The following SHOC1 variants were observed in gnomAD, a reference collection of about 807,000 sequenced individuals.
SHOC1 encodes the protein shortage in chiasmata 1, also known as protein shortage in chiasmata 1 ortholog.
SHOC1 carries 136 observed loss-of-function variants against 179.2 expected under a neutral mutation model. The ratio of observed to expected loss-of-function variants is 0.76; its 90% CI spans 0.66 to 0.87. The LOEUF (loss-of-function observed/expected upper bound fraction) is 0.87. Ranked by LOEUF, SHOC1 falls within the 40% of genes least tolerant of loss-of-function variation. The pLI is 0.00. For synonymous variants in SHOC1, 489 were observed against 586.6 expected, an observed-to-expected ratio of 0.83 and a Z score of 2.41; for missense variants, 1,538 against 1,700.8, an observed-to-expected ratio of 0.90 and a Z score of 1.68.
At chr9:111,704,803 C>T (rs1038983093) in intron 21 of SHOC1, among the ~76,000 whole-genome samples, 12 of 152,072 alleles carry the variant, frequency 7.9e-5, no homozygotes, top group Non-Finnish European at 7.4e-5. Flanking sequence ...TAGAACTTCA[C>T]GGTCCTGTTT....
intron 5 of SHOC1, among the ~76,000 whole-genome samples, chr9:111,772,098 T>G (rs1352964772): frequency 6.6e-6 from 1 of 152,150 alleles, no homozygotes; most frequent in Non-Finnish European, 1.5e-5. Flanking sequence ...TTTCTTTCTT[T>G]TTTCTTTTTT....
rs753356376 is a variant in SHOC1, at chr9:111,718,272, T to A, written c.2148A>T (p.Arg716Ser). The part of the protein sequence containing the change: ...DAVRQGTIDE[R>S]EMTFKHAALL... ...GAGCGGCATGCTTGAAAGTCATTTC[T>A]CTTTCATCAATTGTACCTAAGTAAG... is the stretch of plus-strand genomic sequence containing the variant. The change falls in exon 16 of 28, where the codon AGA becomes AGT. Residue 716 changes from arginine (R) to serine (S), a missense_variant. By Grantham distance (110) the Arg-to-Ser change is moderately radical (BLOSUM62 -1). Transcript: ENST00000682961. The A allele has an allele frequency of 1.3e-6, 2 of 1,594,506 alleles. No individual in the cohort carries two copies. The highest frequency in any genetic ancestry group is 3.7e-5 in the Admixed American group (2 of 54,626).
At chr9:111,760,284 A>G (rs769019449) in intron 5 of SHOC1, among the ~76,000 whole-genome samples, 1 of 152,184 alleles carries the variant, frequency 6.6e-6, no homozygotes, top group Non-Finnish European at 1.5e-5. Flanking sequence ...TATTCTTTGT[A>G]ATTCTACCAA....
At chr9:111,778,143 C>T (rs1835899663) in intron 4 of SHOC1, among the ~76,000 whole-genome samples, 1 of 152,178 alleles carries the variant, frequency 6.6e-6, no homozygotes, top group Admixed American at 6.5e-5. Flanking sequence ...CCTGGCTCTC[C>T]TCATCCACCT....
chr9:111,784,717 C>T (rs1391986747), intron 3 of SHOC1, among the ~76,000 whole-genome samples: 1 of 152,148 alleles, frequency 6.6e-6, no homozygotes, highest in Non-Finnish European at 1.5e-5. Context: ...TTTCTCATAG[C>T]TTTGGAGGCT....
rs1836244686 is a variant in SHOC1 at position 111,785,934 on chromosome 9, T to C, written c.147A>G (p.Lys49=). 2 of 1,494,972 alleles carry C rather than the reference T, an allele frequency of 1.3e-6. No homozygotes were observed. The highest frequency in any genetic ancestry group is 8.9e-7 in the Non-Finnish European group (1 of 1,125,426). 92.6% of individuals were successfully genotyped at this position (1,494,972 alleles called of 1,614,324 possible). A position where few individuals can be genotyped will look rare whatever the true frequency, so the allele number is the denominator to read the frequency against. The change falls in exon 3 of 28, where the codon AAA becomes AAG. Residue 49 remains lysine (K), a synonymous_variant. Coordinates refer to ENST00000682961, the MANE Select transcript of SHOC1 (RefSeq NM_001378211.1). ...TACCTCTCGTCCATGGCCTCCTAAA[T>C]TTATTATCAGTAACTGCTACATGGT... ...ESYHVAVTDN[K]FRRPWTRVSA... is the part of the protein sequence containing the mutation.
chr9:111,776,056 G>A, intron 4 of SHOC1, 81 bp from the exon 5 acceptor site: 26 of 1,030,346 alleles, frequency 2.5e-5, no homozygotes, highest in Middle Eastern at 2.2e-4. Context: ...TGTCCACTGT[G>A]GAAAAAATTA....
intron 2 of SHOC1, among the ~76,000 whole-genome samples, chr9:111,786,237 C>T (rs1836253927): frequency 6.6e-6 from 1 of 152,096 alleles, no homozygotes; most frequent in Non-Finnish European, 1.5e-5. Flanking sequence ...AGATTGAGAC[C>T]ATCTGGCTAA....
intron 8 of SHOC1, among the ~76,000 whole-genome samples, chr9:111,752,375 G>A (rs991983291): frequency 1.3e-5 from 2 of 152,176 alleles, no homozygotes; most frequent in Non-Finnish European, 2.9e-5. Context: ...GCTATATAAA[G>A]ATTTCAGCTC....
At chr9:111,693,306 A>C (rs1192830794) in intron 26 of SHOC1, among the ~76,000 whole-genome samples, 1 of 147,610 alleles carries the variant, frequency 6.8e-6, no homozygotes, top group Non-Finnish European at 1.5e-5. Context: ...ACTCCATCTC[A>C]AAAAAAAAGA....
At chr9:111,750,341 T>C (rs1376600379) in intron 8 of SHOC1, among the ~76,000 whole-genome samples, 2 of 152,158 alleles carry the variant, frequency 1.3e-5, no homozygotes, top group African/African-American at 4.8e-5. Context: ...CTTCTTTTTC[T>C]TCTTTTTGAG....
At chr9:111,709,450 A>G (rs1832430639) in intron 18 of SHOC1, among the ~76,000 whole-genome samples, 1 of 152,232 alleles carries the variant, frequency 6.6e-6, no homozygotes, top group African/African-American at 2.4e-5. Context: ...GATCTTACAA[A>G]CGCATAGAAA....
intron 22 of SHOC1, among the ~76,000 whole-genome samples, chr9:111,702,947 A>G (rs1317920337): frequency 1.3e-5 from 2 of 152,056 alleles, no homozygotes; most frequent in African/African-American, 4.8e-5. Context: ...CTGTCCCTAC[A>G]AAAAATTAAA....
chr9:111,789,513 A>G (rs1320743859), intron 2 of SHOC1, among the ~76,000 whole-genome samples: 2 of 152,136 alleles, frequency 1.3e-5, no homozygotes, highest in Non-Finnish European at 2.9e-5. Context: ...AGATTTTAAA[A>G]TTTCAAGGCA....
At position 111,722,403 on chromosome 9, in the gene SHOC1, A is replaced by G. The variant is rs971993981; in HGVS notation, c.2131+6T>C. 6.3e-7 allele frequency: 1 copy of G among 1,580,050 alleles called. No homozygotes were observed. The highest frequency in any genetic ancestry group is 8.5e-7 in the Non-Finnish European group (1 of 1,170,714). On this transcript the variant is annotated splice_donor_region_variant and intron_variant, in intron 15 of 27. Coordinates refer to ENST00000682961, the MANE Select transcript of SHOC1 (RefSeq NM_001378211.1). Reference sequence around the variant, plus strand: ...TTTAAATAACGTGACTTTTATTTGTACTCACCTTGGCGAACAGCATCACTT... The same window carrying G: ...TTTAAATAACGTGACTTTTATTTGTGCTCACCTTGGCGAACAGCATCACTT...
chr9:111,781,387 T>C (rs183181268), intron 3 of SHOC1, among the ~76,000 whole-genome samples: 4 of 152,288 alleles, frequency 2.6e-5, no homozygotes, highest in Admixed American at 6.5e-5. Context: ...GGCCATAATA[T>C]TGTCAGTAGC....
chr9:111,791,028 T>C (rs558200937), intron 2 of SHOC1, among the ~76,000 whole-genome samples: 1 of 152,250 alleles, frequency 6.6e-6, no homozygotes, highest in East Asian at 1.9e-4. Flanking sequence ...TGCCAATGGG[T>C]GGTGAAGATA....
Position 111,738,447 on chromosome 9 carries a change from C to T in SHOC1, c.1250G>A (p.Ser417Asn), listed in dbSNP as rs1190953309. The T allele has an allele frequency of 6.2e-7, 1 of 1,609,200 alleles. No homozygotes were observed. The highest frequency in any genetic ancestry group is 2.2e-5 in the East Asian group (1 of 44,578). The stretch of plus-strand genomic sequence containing the variant: ...TGCCTTTTCCAGATTAATCACAAGG[C>T]TTTCTTCTTTAACAGAAAATATCTT... Reference protein sequence around the residue: ...LKKIFSVKEESLVINLEKAEW... With the variant: ...LKKIFSVKEENLVINLEKAEW... Residue 417 changes from serine to asparagine, a missense_variant, in exon 12 of 28, where the codon AGC becomes AAC. Physicochemically the swap from Ser to Asn is conservative, Grantham distance 46. Transcript: ENST00000682961.
At position 111,728,802 on chromosome 9, in the gene SHOC1, A is replaced by T. The variant is rs141241653; in HGVS notation, c.1418-753T>A. ...ACCATGGAATGGTTTACTTTAAATG[A>T]GTCAATTGTATGGTATGTGAAATGT... is the stretch of plus-strand genomic sequence containing the variant. On this transcript the variant is annotated intron_variant, in intron 12 of 27. Coordinates refer to ENST00000682961, the MANE Select transcript of SHOC1 (RefSeq NM_001378211.1). Among the ~76,000 whole-genome samples, 586 of 152,314 alleles carry T rather than the reference A, an allele frequency of 3.8e-3. 6 individuals are homozygous for T. The highest frequency in any genetic ancestry group is 0.014 in the African/African-American group (563 of 41,578).
Sources: gnomAD v4.1 joint callset for allele counts (sites outside exome capture counted in the v4.1 genomes callset) on GRCh38, gnomAD v4.1.1 for gene constraint, MANE v1.5 for transcripts, NCBI Gene and HGNC (gene_info 2026-07-23, HGNC 2026-07-21) for gene names.